Variants in NRXN3 observed in about 807,000 individuals in gnomAD.
The protein encoded by NRXN3 is neurexin III.
A neutral mutation model predicts 137.6 loss-of-function variants in NRXN3; 32 were observed. The ratio of observed to expected loss-of-function variants is 0.23; its 90% CI spans 0.18 to 0.31. NRXN3 has a LOEUF of 0.31. Ranked by LOEUF, NRXN3 falls within the 10% of genes least tolerant of loss-of-function variation. The probability of loss-of-function intolerance (pLI) is 1.00; values close to 1 mark genes in which losing one functional copy is unlikely to be tolerated. For synonymous variants in NRXN3, 798 were observed against 784.5 expected (o/e 1.02, Z -0.29); for missense variants, 1,574 against 2,062.5 (o/e 0.76, Z 4.59).
chr14:78,510,303 TATA>T (rs748483440), intron 4 of NRXN3, among the ~76,000 whole-genome samples: 2 of 151,580 alleles, frequency 1.3e-5, no homozygotes, highest in African/African-American at 2.4e-5. Flanking sequence ...ATGAGGAAGC[TATA>T]ATAATAATAA....
intron 6 of NRXN3, among the ~76,000 whole-genome samples, chr14:78,659,034 T>C (rs2097810337): frequency 6.6e-6 from 1 of 152,204 alleles, no homozygotes; most frequent in South Asian, 2.1e-4. Context: ...TTCTAACCTT[T>C]AGTTTGTGAC....
At chr14:79,561,719 G>A (rs923430080) in intron 16 of NRXN3, among the ~76,000 whole-genome samples, 1 of 152,036 alleles carries the variant, frequency 6.6e-6, no homozygotes, top group Non-Finnish European at 1.5e-5. Context: ...GCAGTTGGCA[G>A]GGCCATTCAC....
chr14:79,386,122 G>A (rs937582034), intron 15 of NRXN3, among the ~76,000 whole-genome samples: 3 of 152,052 alleles, frequency 2.0e-5, no homozygotes, highest in Non-Finnish European at 2.9e-5. Context: ...GGCAGGAGAA[G>A]GAAATAAAGG....
chr14:78,254,891 T>C (rs2069281229), intron 2 of NRXN3, among the ~76,000 whole-genome samples: 1 of 152,078 alleles, frequency 6.6e-6, no homozygotes. Context: ...TGAAGCAGTA[T>C]TGAGTAGCTG....
rs542225923 is a variant in NRXN3, at chr14:79,073,998, A to G, written c.3262+85857A>G. On this transcript the variant is annotated intron_variant, in intron 15 of 20. Transcript: ENST00000335750. ...AAAGTACCTGCCATATGGTAGGCACAATATACATTTTTGTTAAATAAAATG... is the reference window on the plus strand; with the variant it reads ...AAAGTACCTGCCATATGGTAGGCACGATATACATTTTTGTTAAATAAAATG... 1.2e-4 allele frequency among the ~76,000 whole-genome samples: 19 copies of G among 152,358 alleles called. No homozygotes were observed. In the East Asian group the frequency reaches 3.7e-3, roughly 29 times the overall value.
At chr14:79,159,538 T>G (rs2060564286) in intron 15 of NRXN3, among the ~76,000 whole-genome samples, 1 of 151,830 alleles carries the variant, frequency 6.6e-6, no homozygotes, top group South Asian at 2.1e-4. Flanking sequence ...GATTATTTTT[T>G]TCTTCAGAAA....
intron 10 of NRXN3, among the ~76,000 whole-genome samples, chr14:78,932,228 A>G (rs2099324219): frequency 1.3e-5 from 2 of 152,090 alleles, no homozygotes; most frequent in African/African-American, 4.8e-5. Flanking sequence ...GGATAGAAGT[A>G]GGGGAAGTTA....
intron 6 of NRXN3, among the ~76,000 whole-genome samples, chr14:78,705,266 A>T (rs1047403788): frequency 1.1e-4 from 16 of 152,212 alleles, no homozygotes; most frequent in African/African-American, 3.4e-4. Flanking sequence ...CATTTAGTTG[A>T]CAGTCTGATT....
At chr14:79,184,880 G>A (rs2063333824) in intron 15 of NRXN3, among the ~76,000 whole-genome samples, 1 of 152,168 alleles carries the variant, frequency 6.6e-6, no homozygotes, top group South Asian at 2.1e-4. Flanking sequence ...AAGATGAGAT[G>A]AATAGTTAAG....
chr14:78,681,638 T>A (rs989285375), intron 6 of NRXN3, among the ~76,000 whole-genome samples: 1 of 152,178 alleles, frequency 6.6e-6, no homozygotes, highest in Non-Finnish European at 1.5e-5. Context: ...TGGTTTATTT[T>A]ATAGACTGTT....
chr14:78,842,069 G>A (rs543581781), intron 10 of NRXN3, among the ~76,000 whole-genome samples: 53 of 152,184 alleles, frequency 3.5e-4, no homozygotes, highest in African/African-American at 1.2e-3. Context: ...ATTTTCTACA[G>A]ATTTCACTTT....
chr14:78,958,371 T>A (rs2099401012), intron 11 of NRXN3, among the ~76,000 whole-genome samples: 1 of 151,752 alleles, frequency 6.6e-6, no homozygotes, highest in Non-Finnish European at 1.5e-5. Context: ...CTTTTTTTTT[T>A]TTTTAAGACA....
intron 15 of NRXN3, among the ~76,000 whole-genome samples, chr14:79,127,058 G>C (rs1471729784): frequency 1.3e-5 from 2 of 152,024 alleles, no homozygotes; most frequent in Non-Finnish European, 2.9e-5. Flanking sequence ...TGAGTTCATT[G>C]TAGATTCTGG....
chr14:79,259,243 A>T (rs2077197572), intron 15 of NRXN3, among the ~76,000 whole-genome samples: 2 of 152,206 alleles, frequency 1.3e-5, no homozygotes, highest in African/African-American at 4.8e-5. Context: ...AATAAAGAAC[A>T]TTGTGTGTCA....
intron 3 of NRXN3, among the ~76,000 whole-genome samples, chr14:78,293,435 C>T (rs2076002797): frequency 1.3e-5 from 2 of 152,162 alleles, no homozygotes; most frequent in African/African-American, 4.8e-5. Context: ...TTATTATCCC[C>T]ACCACCTTGA....
At position 79,580,171 on chromosome 14, in the gene NRXN3, C is replaced by T. The variant is rs182051542; in HGVS notation, c.3445-83607C>T. The stretch of plus-strand genomic sequence containing the variant: ...TATTCATATATATATCACATATTTT[C>T]CTTATCCTTGCATCTATTGATGGAC... On this transcript the variant is annotated intron_variant, in intron 16 of 20. Transcript: ENST00000335750. Among the ~76,000 whole-genome samples the T allele has an allele frequency of 1.1e-3, 173 of 152,182 alleles. 3 individuals are homozygous for T. In the Middle Eastern group the frequency reaches 0.027, roughly 24 times the overall value.
intron 14 of NRXN3, among the ~76,000 whole-genome samples, chr14:78,975,405 A>G (rs2099461448): frequency 6.6e-6 from 1 of 152,200 alleles, no homozygotes; most frequent in Non-Finnish European, 1.5e-5. Context: ...AAGAAGCTCA[A>G]TGTGGCTGAA....
chr14:78,385,671 G>A, intron 4 of NRXN3, among the ~76,000 whole-genome samples: 1 of 152,176 alleles, frequency 6.6e-6, no homozygotes, highest in East Asian at 1.9e-4. Context: ...CACTATTTTG[G>A]ATGACGTTTG....
intron 15 of NRXN3, among the ~76,000 whole-genome samples, chr14:79,449,895 G>A (rs1264705897): frequency 1.3e-5 from 2 of 150,896 alleles, no homozygotes; most frequent in African/African-American, 4.9e-5. Context: ...GGAGGCTGAG[G>A]CAGGAGAATC....
Sources: gnomAD v4.1 joint callset for allele counts (sites outside exome capture counted in the v4.1 genomes callset) on GRCh38, gnomAD v4.1.1 for gene constraint, MANE v1.5 for transcripts, NCBI Gene and HGNC (gene_info 2026-07-23, HGNC 2026-07-21) for gene names.